Variants in TFB1M observed in about 807,000 individuals in gnomAD.
TFB1M encodes transcription factor B1, mitochondrial.
TFB1M carries 27 observed loss-of-function variants against 31.1 expected under a neutral mutation model. The observed-to-expected ratio is 0.87, with a 90% confidence interval of 0.64 to 1.20. The LOEUF (loss-of-function observed/expected upper bound fraction) is 1.20, where lower values mean the gene tolerates loss of function less well. TFB1M is among the 50% of genes most tolerant of loss of function. The pLI is 0.00. For missense variants in TFB1M, 394 were observed against 418.7 expected (o/e 0.94, Z 0.51); for synonymous variants, 166 against 151.8 (o/e 1.09, Z -0.69).
At chr6:155,255,363 ATTT>A (rs1783933598), downstream of TFB1M, 1 of 152,168 alleles carries the variant, frequency 6.6e-6, no homozygotes, top group Non-Finnish European at 1.5e-5. Context: ...TGTTTCTAAA[ATTT>A]CAGCTTAAGT....
intron 6 of TFB1M, among the ~76,000 whole-genome samples, chr6:155,258,793 G>T (rs1275980680): frequency 6.6e-6 from 1 of 152,216 alleles, no homozygotes; most frequent in African/African-American, 2.4e-5. Context: ...GAGATAGATA[G>T]CATGTTGCTT....
chr6:155,314,101 T>C (rs1778140682), intron 1 of TFB1M, 195 bp downstream of exon 1: 2 of 1,462,466 alleles, frequency 1.4e-6, no homozygotes, highest in East Asian at 5.1e-5. Flanking sequence ...CGGAGTTTTG[T>C]GAGCAATCAA....
chr6:155,302,160 G>A (rs1324948693), intron 2 of TFB1M, among the ~76,000 whole-genome samples: 1 of 152,188 alleles, frequency 6.6e-6, no homozygotes. Context: ...TCCTTAAGAA[G>A]AAATACTACA....
At chr6:155,233,196 G>A in the TFB1M span, among the ~76,000 whole-genome samples, 1 of 152,216 alleles carries the variant, frequency 6.6e-6, no homozygotes, top group Non-Finnish European at 1.5e-5. Context: ...CTACCCCGTA[G>A]TAGTTTAAAG....
At chr6:155,284,405 G>C (rs1776527936) in intron 5 of TFB1M, among the ~76,000 whole-genome samples, 1 of 152,154 alleles carries the variant, frequency 6.6e-6, no homozygotes, top group Non-Finnish European at 1.5e-5. Flanking sequence ...TATTCCTCAT[G>C]AGGCTGTGAA....
chr6:155,260,273 C>A lies in TFB1M; in HGVS notation c.794G>T (p.Arg265Ile), dbSNP rs1346690674. 1 of 1,614,116 alleles carries A rather than the reference C, an allele frequency of 6.2e-7. No homozygotes were observed. Among genetic ancestry groups the A allele is most frequent in the Non-Finnish European group, 8.5e-7 (1 of 1,180,036 alleles). The part of the protein sequence containing the change: ...FRRKYCHRGL[R>I]MLFPEAQRLE... ...TGAAGAGAAGAAAAGGCATTCTTAC[C>A]TGAGCCCTCGATGGCAGTATTTCCT... The change falls in exon 6 of 7, where the codon AGA becomes ATA. Residue 265 changes from arginine to isoleucine, a missense_variant and splice_region_variant. Around this residue, in one of 3 missense-constraint regions of TFB1M, gnomAD observed 115 missense variants for 144.1 expected, o/e 0.80. Coordinates refer to ENST00000367166, the MANE Select transcript of TFB1M (RefSeq NM_016020.4).
the TFB1M span, among the ~76,000 whole-genome samples, chr6:155,242,533 C>A: frequency 2.0e-5 from 3 of 152,182 alleles, no homozygotes; most frequent in African/African-American, 7.2e-5. Context: ...GCCTTTTGCT[C>A]TCTGAACTAA....
Position 155,285,193 on chromosome 6 carries a change from T to C in TFB1M, c.631A>G (p.Thr211Ala), listed in dbSNP as rs769497533. ...GGGACAAAAGCTTGTCCTGGAATCG[T>C]AAAGATGTGTCGAACATTGCAGAGG... ...QYLCNVRHIFTIPGQAFVPKP... is the reference protein window; with the variant it reads ...QYLCNVRHIFAIPGQAFVPKP... The change falls in exon 5 of 7, where the codon ACG becomes GCG. Residue 211 changes from threonine (T) to alanine (A), a missense_variant. By Grantham distance (58) the Thr-to-Ala change is moderately conservative. This residue lies in a region of TFB1M where 273 missense variants were observed against 256.4 expected (regional missense o/e 1.06). Coordinates refer to ENST00000367166, the MANE Select transcript of TFB1M (RefSeq NM_016020.4). 8.3e-5 allele frequency: 134 copies of C among 1,613,892 alleles called. No individual in the cohort carries two copies. The highest frequency in any genetic ancestry group is 1.0e-4 in the Non-Finnish European group (123 of 1,179,896).
the TFB1M span, among the ~76,000 whole-genome samples, chr6:155,245,017 G>A: frequency 6.6e-6 from 1 of 152,092 alleles, no homozygotes; most frequent in Non-Finnish European, 1.5e-5. Flanking sequence ...AGCACCTCCC[G>A]CCTGGTTGTT....
At chr6:155,254,296 G>A, downstream of TFB1M, 1 of 1,326,764 alleles carries the variant, frequency 7.5e-7, no homozygotes, top group Non-Finnish European at 1.0e-6. Flanking sequence ...TGGCACTGCT[G>A]CTGGGTGGCT....
At chr6:155,280,215 A>G (rs1389984389) in intron 5 of TFB1M, among the ~76,000 whole-genome samples, 1 of 152,144 alleles carries the variant, frequency 6.6e-6, no homozygotes, top group Admixed American at 6.5e-5. Context: ...GTCTACTGGT[A>G]GGAAGCTAGA....
chr6:155,245,948 G>A, the TFB1M span, among the ~76,000 whole-genome samples: 1 of 151,988 alleles, frequency 6.6e-6, no homozygotes, highest in East Asian at 1.9e-4. Context: ...CAGAGATGTT[G>A]CTTTGCCATG....
chr6:155,250,863 T>G, the TFB1M span: 2 of 1,567,758 alleles, frequency 1.3e-6, no homozygotes, highest in South Asian at 2.2e-5. Flanking sequence ...CAAGAGATCA[T>G]CTAGCCTGGG....
chr6:155,250,293 T>G, the TFB1M span, among the ~76,000 whole-genome samples: 9 of 57,148 alleles, frequency 1.6e-4, no homozygotes, highest in African/African-American at 4.4e-4. Flanking sequence ...GATTTTGCCT[T>G]TTTTTTTTTT....
intron 2 of TFB1M, among the ~76,000 whole-genome samples, chr6:155,302,755 A>G (rs1298771690): frequency 6.6e-6 from 1 of 152,180 alleles, no homozygotes; most frequent in Non-Finnish European, 1.5e-5. Context: ...TAAATTTGAC[A>G]TTAGATTTGT....
intron 5 of TFB1M, among the ~76,000 whole-genome samples, chr6:155,272,439 G>GA (rs748215263): frequency 3.9e-5 from 6 of 152,088 alleles, no homozygotes; most frequent in Middle Eastern, 3.4e-3. Context: ...GGGACCATGA[G>GA]AGAGTTTTCA....
Position 155,261,410 on chromosome 6 carries a change from A to T in TFB1M, c.667-1010T>A, listed in dbSNP as rs144216674. ...GAACTCCATTGTTGAAATCCCATAG[A>T]GGTTGTCATTTTCTCCTAAGAGGAC... On this transcript the variant is annotated intron_variant, in intron 5 of 6. Coordinates refer to ENST00000367166, the MANE Select transcript of TFB1M (RefSeq NM_016020.4). 5.1e-3 allele frequency among the ~76,000 whole-genome samples: 774 copies of T among 152,126 alleles called. 5 individuals are homozygous for T. Among genetic ancestry groups the T allele is most frequent in the Middle Eastern group, 0.027 (8 of 294 alleles).
chr6:155,252,211 G>A (rs1428864013), downstream of TFB1M, among the ~76,000 whole-genome samples: 3 of 152,162 alleles, frequency 2.0e-5, no homozygotes, highest in Non-Finnish European at 2.9e-5. Flanking sequence ...AGCTGGGCAC[G>A]GTGGCTCATG....
intron 4 of TFB1M, among the ~76,000 whole-genome samples, chr6:155,286,310 T>C (rs529633301): frequency 8.0e-4 from 122 of 151,988 alleles, no homozygotes; most frequent in African/African-American, 2.8e-3. Flanking sequence ...ACTTCCATGG[T>C]AGGGAAGAAT....
Sources: allele counts gnomAD v4.1 joint callset (sites outside exome capture counted in the v4.1 genomes callset), GRCh38; gene constraint gnomAD v4.1.1; regional missense constraint gnomAD v4.1.1; transcripts MANE v1.5; gene names NCBI Gene and HGNC (gene_info 2026-07-23, HGNC 2026-07-21).